TRMT11: variants seen among roughly 807,000 people sequenced by gnomAD.
The protein encoded by TRMT11 is tRNA (guanine(10)-N(2))-methyltransferase TRMT11.
A neutral mutation model predicts 62.8 loss-of-function variants in TRMT11; 53 were observed. That is an observed-to-expected ratio of 0.84 (90% confidence interval 0.68 to 1.06). TRMT11 has a LOEUF of 1.06. TRMT11 is among the 50% of genes least tolerant of loss of function. The pLI, the probability that TRMT11 is intolerant of heterozygous loss-of-function variation, is 0.00. For missense variants in TRMT11, 556 were observed against 553.4 expected (o/e 1.00, Z -0.05); for synonymous variants, 188 against 190.3 (o/e 0.99, Z 0.10).
At chr6:126,084,725 T>C (rs1777195635) in intron 17 of TRMT11, among the ~76,000 whole-genome samples, 1 of 152,182 alleles carries the variant, frequency 6.6e-6, no homozygotes, top group African/African-American at 2.4e-5. Flanking sequence ...GACTTTTGTA[T>C]ATGGTGTAAA....
At chr6:126,078,733 C>G (rs1177729378) in intron 17 of TRMT11, among the ~76,000 whole-genome samples, 1 of 152,140 alleles carries the variant, frequency 6.6e-6, no homozygotes, top group Non-Finnish European at 1.5e-5. Flanking sequence ...TCAGAAAAGT[C>G]ATGGGGCAAA....
chr6:126,104,854 A>C (rs912013576), intron 17 of TRMT11, among the ~76,000 whole-genome samples: 28 of 152,144 alleles, frequency 1.8e-4, no homozygotes, highest in African/African-American at 6.8e-4. Flanking sequence ...ATTGAAACCT[A>C]ATGATAAAGA....
At chr6:126,069,645 C>T (rs541437117) in intron 17 of TRMT11, among the ~76,000 whole-genome samples, 3 of 152,308 alleles carry the variant, frequency 2.0e-5, no homozygotes, top group South Asian at 2.1e-4. Context: ...TTAACAGCTT[C>T]GTGTTGGCCC....
At chr6:126,231,259 A>G in the TRMT11 span, among the ~76,000 whole-genome samples, 5 of 152,200 alleles carry the variant, frequency 3.3e-5, no homozygotes, top group Non-Finnish European at 7.4e-5. Context: ...ATGTCAGAAT[A>G]CAGTTGACCC....
intron 16 of TRMT11, among the ~76,000 whole-genome samples, chr6:126,051,065 C>T (rs780820453): frequency 1.3e-5 from 2 of 152,148 alleles, no homozygotes; most frequent in South Asian, 4.1e-4. Flanking sequence ...GAGATGGTTC[C>T]AAGAGGAGGT....
the TRMT11 span, among the ~76,000 whole-genome samples, chr6:126,229,757 A>G: frequency 6.6e-6 from 1 of 152,238 alleles, no homozygotes; most frequent in Non-Finnish European, 1.5e-5. Context: ...TGAATGAGGC[A>G]GGAAGCAGTC....
chr6:126,106,658 C>G (rs1310885735), intron 17 of TRMT11, among the ~76,000 whole-genome samples: 1 of 152,082 alleles, frequency 6.6e-6, no homozygotes, highest in African/African-American at 2.4e-5. Context: ...TTTCCTCCTG[C>G]TAAGCTCTAC....
At position 126,011,467 on chromosome 6, in the gene TRMT11, C is replaced by T. The variant is rs539482685; in HGVS notation, c.925+50C>T. 4.7e-6 allele frequency: 7 copies of T among 1,499,600 alleles called. No homozygotes were observed. In the Admixed American group the frequency reaches 5.7e-5, roughly 12 times the overall value. The allele number at this position is 1,499,600 out of a possible 1,614,324, so 92.9% of individuals were successfully genotyped here. A position where few individuals can be genotyped will look rare whatever the true frequency, so the allele number is the denominator to read the frequency against. ...AGGAGTAGGATTCGTTTTGTAAAAT[C>T]ATTTACATTTAAAGTACAAAATTTA... On this transcript the variant is annotated intron_variant, in intron 9 of 12. Coordinates refer to ENST00000334379, the MANE Select transcript of TRMT11 (RefSeq NM_001031712.3).
intron 12 of TRMT11, among the ~76,000 whole-genome samples, chr6:126,029,679 C>T (rs1226334261): frequency 1.3e-5 from 2 of 152,068 alleles, no homozygotes; most frequent in Non-Finnish European, 2.9e-5. Context: ...TATTGCTACT[C>T]AAGAAGGTGT....
the TRMT11 span, among the ~76,000 whole-genome samples, chr6:126,261,217 A>T: frequency 1.3e-5 from 2 of 151,998 alleles, no homozygotes; most frequent in East Asian, 3.9e-4. Flanking sequence ...AAAGCTCTCA[A>T]TTGTAGTTTT....
At chr6:126,261,604 T>C in the TRMT11 span, among the ~76,000 whole-genome samples, 1 of 152,220 alleles carries the variant, frequency 6.6e-6, no homozygotes, top group Non-Finnish European at 1.5e-5. Flanking sequence ...CTTCTTCCTG[T>C]AGACACTTTC....
chr6:126,155,927 CGT>C (rs1778114877), intron 21 of TRMT11, among the ~76,000 whole-genome samples: 1 of 152,022 alleles, frequency 6.6e-6, no homozygotes, highest in Admixed American at 6.6e-5. Flanking sequence ...GGGGTTTCAA[CGT>C]GTTAGCCAGG....
chr6:126,102,607 T>C (rs1295899597), intron 17 of TRMT11, among the ~76,000 whole-genome samples: 1 of 151,884 alleles, frequency 6.6e-6, no homozygotes, highest in African/African-American at 2.4e-5. Context: ...CTAACAATGC[T>C]AGGCAGGAAG....
At chr6:126,222,314 A>C in the TRMT11 span, among the ~76,000 whole-genome samples, 3 of 152,254 alleles carry the variant, frequency 2.0e-5, no homozygotes, top group East Asian at 5.8e-4. Context: ...GTTCCATATT[A>C]ATTTTAGAAT....
chr6:126,106,493 C>G (rs1455687940), intron 17 of TRMT11, among the ~76,000 whole-genome samples: 1 of 152,124 alleles, frequency 6.6e-6, no homozygotes, highest in Non-Finnish European at 1.5e-5. Context: ...CTCACTACTT[C>G]TCGCGCTGTT....
In TRMT11 at chr6:126,100,672, G is replaced by A. The variant is rs116122410; in HGVS notation, c.*1438-12194G>A. The stretch of plus-strand genomic sequence containing the variant: ...TACAACAGCAGGCCCCAACCTTTTC[G>A]GCACCAGGGGCCAGTTTTGTGGAAG... On this transcript the variant is annotated intron_variant and NMD_transcript_variant, in intron 17 of 22. Transcript: ENST00000648977. Among the ~76,000 whole-genome samples, 1,363 of 152,292 alleles carry A rather than the reference G, an allele frequency of 8.9e-3. 22 individuals are homozygous for A. The highest frequency in any genetic ancestry group is 0.031 in the African/African-American group (1,294 of 41,554).
At position 126,059,753 on chromosome 6, in the gene TRMT11, G is replaced by A. The variant is rs55992243; in HGVS notation, c.*1437+6563G>A. 5.2e-3 allele frequency among the ~76,000 whole-genome samples: 785 copies of A among 152,246 alleles called. 4 individuals are homozygous for A. The highest frequency in any genetic ancestry group is 0.01 in the Middle Eastern group (3 of 294). ...ACTGATGAGATCTGTGCTTCTGACC[G>A]TTTTACTCTACTATCAATAGCAATT... is the stretch of plus-strand genomic sequence containing the variant. On this transcript the variant is annotated intron_variant and NMD_transcript_variant, in intron 17 of 22. Transcript: ENST00000648977.
At chr6:126,165,210 G>A (rs567799745) in intron 21 of TRMT11, among the ~76,000 whole-genome samples, 2 of 151,900 alleles carry the variant, frequency 1.3e-5, no homozygotes, top group Non-Finnish European at 2.9e-5. Context: ...CCTGGGAGAC[G>A]GAGGTTGCAC....
intron 21 of TRMT11, among the ~76,000 whole-genome samples, chr6:126,154,349 G>T (rs1778093868): frequency 6.6e-6 from 1 of 151,936 alleles, no homozygotes; most frequent in Non-Finnish European, 1.5e-5. Flanking sequence ...ATGTGTGTGT[G>T]TGTGTGTGTG....
Sources: gnomAD v4.1 joint callset for allele counts (sites outside exome capture counted in the v4.1 genomes callset) on GRCh38, gnomAD v4.1.1 for gene constraint, MANE v1.5 for transcripts, NCBI Gene and HGNC (gene_info 2026-07-23, HGNC 2026-07-21) for gene names.